RASA2: variants seen among roughly 807,000 people sequenced by gnomAD.
RASA2 encodes the protein RAS p21 protein activator 2, also known as ras GTPase-activating protein 2.
A neutral mutation model predicts 118.2 loss-of-function variants in RASA2; 155 were observed. The ratio of observed to expected loss-of-function variants is 1.31; its 90% CI spans 1.15 to 1.50. The LOEUF (loss-of-function observed/expected upper bound fraction) is 1.50. RASA2 is among the 40% of genes most tolerant of loss of function. RASA2 has a pLI of 0.00. For synonymous variants in RASA2, 353 were observed against 349.1 expected (o/e 1.01, Z -0.12); for missense variants, 1,016 against 1,009.6 (o/e 1.01, Z -0.09).
At chr3:141,518,482 CAAAAAAAAAAAAAAAAAAAA>C (rs777543417) in intron 3 of RASA2, among the ~76,000 whole-genome samples, 14 of 27,030 alleles carry the variant, frequency 5.2e-4, no homozygotes, top group African/African-American at 1.6e-3. Flanking sequence ...GACACCATCT[CAAAAAAAAAAAAAAAAAAAA>C]AAAAAAAAAA....
intron 19 of RASA2, among the ~76,000 whole-genome samples, chr3:141,604,622 C>T (rs1353465848): frequency 6.6e-6 from 1 of 152,062 alleles, no homozygotes; most frequent in Non-Finnish European, 1.5e-5. Context: ...TTTGGCCCAA[C>T]ACTATTTTTT....
At chr3:141,592,701 T>A (rs927002074) in intron 19 of RASA2, among the ~76,000 whole-genome samples, 7 of 151,850 alleles carry the variant, frequency 4.6e-5, no homozygotes, top group Admixed American at 4.6e-4. Flanking sequence ...ATTTGAAAAA[T>A]AGTACCCAGA....
At chr3:141,513,994 A>G (rs1348897720) in intron 2 of RASA2, among the ~76,000 whole-genome samples, 1 of 152,186 alleles carries the variant, frequency 6.6e-6, no homozygotes, top group Non-Finnish European at 1.5e-5. Context: ...TAAGCTTTGC[A>G]ACATGAGGAT....
chr3:141,504,243 A>G (rs555907903), intron 1 of RASA2, among the ~76,000 whole-genome samples: 1 of 152,056 alleles, frequency 6.6e-6, no homozygotes, highest in Non-Finnish European at 1.5e-5. Flanking sequence ...ATTTGCTCCC[A>G]TTGTGATTTT....
At chr3:141,588,399 G>A (rs957689757) in intron 19 of RASA2, among the ~76,000 whole-genome samples, 4 of 152,296 alleles carry the variant, frequency 2.6e-5, no homozygotes, top group Non-Finnish European at 4.4e-5. Context: ...GTAGAAGGGC[G>A]CAGGCTTAAC....
chr3:141,603,149 C>A (rs181886025), intron 19 of RASA2, among the ~76,000 whole-genome samples: 1 of 152,240 alleles, frequency 6.6e-6, no homozygotes, highest in Non-Finnish European at 1.5e-5. Flanking sequence ...ACAATTTGCC[C>A]AGTTTTATAC....
chr3:141,572,737 C>T lies in RASA2; in HGVS notation c.1284+14C>T, dbSNP rs758122589. ...ATTCTTGATGAGGTACAGAATATAT[C>T]TCCAACAATGATAGTTTGTGGCCTT... On this transcript the variant is annotated intron_variant, in intron 12 of 23. Transcript: ENST00000286364. The T allele has an allele frequency of 6.6e-7, 1 of 1,520,798 alleles. No individual in the cohort carries two copies. Among genetic ancestry groups the T allele is most frequent in the East Asian group, 2.3e-5 (1 of 43,808 alleles). 94.2% of individuals were successfully genotyped at this position (1,520,798 alleles called of 1,614,324 possible).
At chr3:141,487,490 G>A (rs1300082024) in intron 1 of RASA2, among the ~76,000 whole-genome samples, 1 of 151,866 alleles carries the variant, frequency 6.6e-6, no homozygotes, top group African/African-American at 2.4e-5. Flanking sequence ...GGCGTGAGGG[G>A]CTCGGTCGTG....
intron 19 of RASA2, among the ~76,000 whole-genome samples, chr3:141,591,724 A>G (rs1257088260): frequency 1.3e-5 from 2 of 152,212 alleles, no homozygotes; most frequent in African/African-American, 4.8e-5. Context: ...TTCATGTGAC[A>G]TTAAATGCCC....
intron 7 of RASA2, among the ~76,000 whole-genome samples, chr3:141,558,032 C>T (rs1488427785): frequency 6.6e-6 from 1 of 151,844 alleles, no homozygotes; most frequent in African/African-American, 2.4e-5. Flanking sequence ...ATATAAACAG[C>T]CAAGAAAGCC....
intron 19 of RASA2, among the ~76,000 whole-genome samples, chr3:141,597,417 AAGT>A (rs1352353592): frequency 1.3e-5 from 2 of 152,156 alleles, no homozygotes; most frequent in Non-Finnish European, 2.9e-5. Context: ...TAGGAACAGA[AAGT>A]AGGTTAGTGG....
rs2082026904 is a variant in RASA2, at chr3:141,516,400, TAAG to T, written c.327_329del (p.Lys109del). 6.4e-7 allele frequency: 1 copy of T among 1,558,110 alleles called. No homozygotes were observed. Among genetic ancestry groups the T allele is most frequent in the Non-Finnish European group, 8.7e-7 (1 of 1,152,950 alleles). ...AGTATTTGTCTTTCTATGTTTATGA[TAAG>T]AATGTTTTACAAAGAGATCTCCGTA... On this transcript the variant is annotated inframe_deletion, in exon 3 of 24. Transcript: ENST00000286364.
chr3:141,600,459 C>G (rs1333137782), intron 19 of RASA2: 1 of 396,850 alleles, frequency 2.5e-6, no homozygotes, highest in Non-Finnish European at 5.0e-6. Context: ...GCAGGTTGCG[C>G]TCCTTATTAG....
chr3:141,591,558 A>G lies in RASA2; in HGVS notation c.1933+4806A>G, dbSNP rs943278377. ...TTCTTCAAAGAACACCATGTCTTCC[A>G]TATATGCTGTCATCTGAATTACGTT... is the stretch of plus-strand genomic sequence containing the variant. On this transcript the variant is annotated intron_variant, in intron 19 of 23. Transcript: ENST00000286364. Among the ~76,000 whole-genome samples the G allele has an allele frequency of 2.0e-5, 3 of 152,228 alleles. No homozygotes were observed. In the East Asian group the frequency reaches 5.8e-4, roughly 29 times the overall value.
chr3:141,506,664 G>T (rs1171982750), intron 1 of RASA2, among the ~76,000 whole-genome samples: 3 of 152,104 alleles, frequency 2.0e-5, no homozygotes, highest in Non-Finnish European at 4.4e-5. Flanking sequence ...TATAATCCCA[G>T]CACTTTGGGA....
At chr3:141,492,303 T>C (rs1186461738) in intron 1 of RASA2, among the ~76,000 whole-genome samples, 1 of 152,246 alleles carries the variant, frequency 6.6e-6, no homozygotes, top group East Asian at 1.9e-4. Context: ...TAATATCAGA[T>C]TACATGTTTT....
chr3:141,610,444 T>A lies in RASA2; in HGVS notation c.2519+378T>A, dbSNP rs1231772754. On this transcript the variant is annotated intron_variant, in intron 23 of 23. Coordinates refer to ENST00000286364, the MANE Select transcript of RASA2 (RefSeq NM_006506.5). Reference sequence around the variant, plus strand: ...TATATATTATATATTTATATTTATATATTATATATTTATATTTATATATTA... The same window carrying A: ...TATATATTATATATTTATATTTATAAATTATATATTTATATTTATATATTA... Among the ~76,000 whole-genome samples, 444 of 105,260 alleles carry A rather than the reference T, an allele frequency of 4.2e-3. 9 individuals carry two copies. Among genetic ancestry groups the A allele is most frequent in the African/African-American group, 0.019 (416 of 22,158 alleles). 69.1% of individuals were successfully genotyped at this position (105,260 alleles called of 152,430 possible).
chr3:141,587,090 A>G (rs892741680), intron 19 of RASA2, among the ~76,000 whole-genome samples: 8 of 152,360 alleles, frequency 5.3e-5, no homozygotes, highest in African/African-American at 1.9e-4. Flanking sequence ...AGGCAAAATT[A>G]GCAAGATTCC....
chr3:141,541,893 G>C (rs1253114958), intron 5 of RASA2, among the ~76,000 whole-genome samples: 1 of 151,372 alleles, frequency 6.6e-6, no homozygotes, highest in Non-Finnish European at 1.5e-5. Context: ...TTTCTCCACA[G>C]ACTGACTCTG....
Sources: gnomAD v4.1 joint callset for allele counts (sites outside exome capture counted in the v4.1 genomes callset) on GRCh38, gnomAD v4.1.1 for gene constraint, MANE v1.5 for transcripts, NCBI Gene and HGNC (gene_info 2026-07-23, HGNC 2026-07-21) for gene names.